FAP: variants seen among roughly 807,000 people sequenced by gnomAD.
FAP encodes prolyl endopeptidase FAP.
In FAP, 110 loss-of-function variants were observed where a neutral mutation model predicts 126.5. The observed-to-expected ratio is 0.87, with a 90% CI of 0.74 to 1.02. FAP has a LOEUF of 1.02. Ranked by LOEUF, FAP falls within the 50% of genes least tolerant of loss-of-function variation. FAP has a pLI of 0.00. For synonymous variants in FAP, 334 were observed against 297.3 expected, an observed-to-expected ratio of 1.12 and a Z score of -1.27; for missense variants, 919 against 909.2, an observed-to-expected ratio of 1.01 and a Z score of -0.14.
At chr2:162,223,711 A>C in intron 5 of FAP, 51 bp from the exon 6 acceptor site, 2 of 1,163,886 alleles carry the variant, frequency 1.7e-6, no homozygotes, top group Non-Finnish European at 2.6e-6. Flanking sequence ...TAAAAAGCTT[A>C]TATCAATAAT....
intron 7 of FAP, 61 bp downstream of exon 7, chr2:162,219,792 A>G: frequency 8.3e-7 from 1 of 1,210,234 alleles, no homozygotes; most frequent in Non-Finnish European, 1.2e-6. Flanking sequence ...AACAAAGGCC[A>G]AAATCAAATG....
chr2:162,186,858 G>A (rs1370899454), intron 20 of FAP, among the ~76,000 whole-genome samples: 2 of 151,126 alleles, frequency 1.3e-5, no homozygotes, highest in Non-Finnish European at 3.0e-5. Context: ...AGTCTTTATA[G>A]GAGAAACTGA....
chr2:162,200,933 A>T (rs1033067924), intron 14 of FAP, among the ~76,000 whole-genome samples: 1 of 152,196 alleles, frequency 6.6e-6, no homozygotes, highest in Non-Finnish European at 1.5e-5. Context: ...GATTAAGAAC[A>T]GTTTACCTGT....
chr2:162,171,237 T>A lies in FAP; in HGVS notation c.2182-157A>T, dbSNP rs1687294890. On this transcript the variant is annotated intron_variant, in intron 25 of 25. Transcript: ENST00000188790. ...GTAAAATAGCTTACATGTAAATATT[T>A]ACAGCAGGAAGAGCTTTCGTTAACC... 4 of 575,394 alleles carry A rather than the reference T, an allele frequency of 7.0e-6. No homozygotes were observed. In the Admixed American group the frequency reaches 1.3e-4, roughly 18 times the overall value. The allele number at this position is 575,394 out of a possible 1,614,324, so 35.6% of individuals were successfully genotyped here. A position where few individuals can be genotyped will look rare whatever the true frequency, so the allele number is the denominator to read the frequency against.
rs780897709 is a variant in FAP at position 162,242,978 on chromosome 2, G to T, written c.21C>A (p.Ile7=). The T allele has an allele frequency of 3.1e-6, 5 of 1,612,044 alleles. No individual in the cohort carries two copies. The highest frequency in any genetic ancestry group is 2.2e-5 in the East Asian group (1 of 44,840). MKTWVK[I]VFGVATSAVL... is the part of the protein sequence containing the mutation. The stretch of plus-strand genomic sequence containing the variant: ...CAGCAGAGGTGGCAACTCCAAATAC[G>T]ATTTTTACCCAAGTCTACATAAAAT... The change falls in exon 2 of 26, where the codon ATC becomes ATA. Residue 7 remains isoleucine, a synonymous_variant. Transcript: ENST00000188790.
intron 2 of FAP, among the ~76,000 whole-genome samples, chr2:162,227,574 A>T (rs1689708421): frequency 6.6e-6 from 1 of 152,172 alleles, no homozygotes; most frequent in Non-Finnish European, 1.5e-5. Context: ...AATGCCATTT[A>T]TGAATCTGGT....
intron 21 of FAP, among the ~76,000 whole-genome samples, chr2:162,178,839 G>A (rs1046375364): frequency 6.6e-6 from 1 of 152,066 alleles, no homozygotes; most frequent in Non-Finnish European, 1.5e-5. Flanking sequence ...AATACAAAAC[G>A]CAATAAGAGC....
intron 3 of FAP, 119 bp from the exon 4 acceptor site, chr2:162,225,696 T>A (rs1689616556): frequency 3.0e-6 from 3 of 987,332 alleles, no homozygotes; most frequent in Admixed American, 3.9e-5. Context: ...GTCCAGTACA[T>A]ATTGCTTTGT....
intron 2 of FAP, among the ~76,000 whole-genome samples, chr2:162,233,178 T>C (rs558541290): frequency 1.5e-4 from 23 of 152,212 alleles, no homozygotes; most frequent in Admixed American, 1.2e-3. Context: ...AAAATCAATA[T>C]GTTTAATGCT....
Position 162,188,153 on chromosome 2 carries a change from A to T in FAP, c.1814+16T>A. ...TTGTTGCATGTTGACATCTGCTTGAATGAGAAGGTGCTCACCTGACAGCTG... is the reference window on the plus strand; with the variant it reads ...TTGTTGCATGTTGACATCTGCTTGATTGAGAAGGTGCTCACCTGACAGCTG... On this transcript the variant is annotated intron_variant, in intron 20 of 25. Transcript: ENST00000188790. 6.2e-7 allele frequency: 1 copy of T among 1,603,940 alleles called. No homozygotes were observed. Among genetic ancestry groups the T allele is most frequent in the South Asian group, 1.1e-5 (1 of 90,446 alleles).
intron 16 of FAP, chr2:162,198,345 T>G (rs1337752178): frequency 7.8e-7 from 1 of 1,283,288 alleles, no homozygotes; most frequent in Non-Finnish European, 1.0e-6. Flanking sequence ...GGGCCAAAAG[T>G]CCAGCAACCA....
chr2:162,232,079 A>G (rs1689923255), intron 2 of FAP, among the ~76,000 whole-genome samples: 1 of 152,166 alleles, frequency 6.6e-6, no homozygotes, highest in South Asian at 2.1e-4. Context: ...AGGGGCAAGG[A>G]CAGGAAGTAT....
intron 16 of FAP, 47 bp from the exon 17 acceptor site, chr2:162,194,795 A>T (rs773558501): frequency 6.4e-7 from 1 of 1,565,512 alleles, no homozygotes; most frequent in Admixed American, 1.7e-5. Flanking sequence ...TTAAAATAAC[A>T]ATTCCTTTTC....
intron 2 of FAP, among the ~76,000 whole-genome samples, chr2:162,239,236 C>A (rs181119806): frequency 6.6e-6 from 1 of 151,958 alleles, no homozygotes; most frequent in Admixed American, 6.6e-5. Context: ...AGGGTTTCGC[C>A]ATGTTGCCCA....
chr2:162,227,070 A>C (rs1415722865), intron 2 of FAP, among the ~76,000 whole-genome samples: 1 of 152,150 alleles, frequency 6.6e-6, no homozygotes, highest in Non-Finnish European at 1.5e-5. Flanking sequence ...TTCCTCATAT[A>C]GGTTTGGTTC....
chr2:162,198,604 T>C (rs1173736552), intron 16 of FAP, 153 bp downstream of exon 16: 5 of 993,632 alleles, frequency 5.0e-6, no homozygotes, highest in African/African-American at 1.6e-5. Flanking sequence ...TACCTTCCTA[T>C]CCTCCTTTAA....
chr2:162,226,460 C>T lies in FAP; in HGVS notation c.190+63G>A. 11 of 754,988 alleles carry T rather than the reference C, an allele frequency of 1.5e-5. No individual in the cohort carries two copies. The South Asian group carries it at 2.0e-4, about 14-fold the overall frequency. 46.8% of individuals were successfully genotyped at this position (754,988 alleles called of 1,614,324 possible). On this transcript the variant is annotated intron_variant, in intron 3 of 25. Transcript: ENST00000188790. The stretch of plus-strand genomic sequence containing the variant: ...TTCAGTTACTATAGAGATGTATTGG[C>T]ACTAAAATAAAAACCAAACAAAATA...
At chr2:162,222,362 A>T (rs1023233196) in intron 6 of FAP, among the ~76,000 whole-genome samples, 1 of 152,224 alleles carries the variant, frequency 6.6e-6, no homozygotes, top group Non-Finnish European at 1.5e-5. Context: ...GATGATATGG[A>T]TTCGGAGACA....
chr2:162,209,160 G>A (rs906235570), intron 12 of FAP, among the ~76,000 whole-genome samples: 7 of 152,024 alleles, frequency 4.6e-5, no homozygotes, highest in African/African-American at 1.7e-4. Flanking sequence ...GGGCTAATGT[G>A]TTAAACCAGG....
Sources: allele counts gnomAD v4.1 joint callset (sites outside exome capture counted in the v4.1 genomes callset), GRCh38; gene constraint gnomAD v4.1.1; transcripts MANE v1.5; gene names NCBI Gene and HGNC (gene_info 2026-07-23, HGNC 2026-07-21).